Variants in PPARGC1A observed in about 807,000 individuals in gnomAD.
PPARGC1A encodes the protein PPARG coactivator 1 alpha.
Under a neutral mutation model 88.7 loss-of-function variants are expected in PPARGC1A, and 25 were observed. The ratio of observed to expected loss-of-function variants is 0.28; its 90% CI spans 0.21 to 0.39. The LOEUF is 0.39. PPARGC1A is among the 10% of genes least tolerant of loss of function. The probability of loss-of-function intolerance (pLI) is 1.00; values close to 1 mark genes in which losing one functional copy is unlikely to be tolerated. For missense variants in PPARGC1A, 880 were observed against 968.7 expected (o/e 0.91, Z 1.22); for synonymous variants, 363 against 355.6 (o/e 1.02, Z -0.24).
At chr4:24,160,961 C>T in the PPARGC1A span, among the ~76,000 whole-genome samples, 1 of 152,142 alleles carries the variant, frequency 6.6e-6, no homozygotes, top group Non-Finnish European at 1.5e-5. Flanking sequence ...GATAAAATCA[C>T]TCTGTTTTAT....
the PPARGC1A span, among the ~76,000 whole-genome samples, chr4:23,910,937 C>T: frequency 2.6e-5 from 4 of 151,888 alleles, no homozygotes; most frequent in Non-Finnish European, 5.9e-5. Flanking sequence ...TTCATGCCCT[C>T]CCCTCCCCTC....
At chr4:23,849,320 G>A (rs1728863527) in intron 2 of PPARGC1A, among the ~76,000 whole-genome samples, 1 of 152,186 alleles carries the variant, frequency 6.6e-6, no homozygotes, top group South Asian at 2.1e-4. Context: ...CATAACTTAA[G>A]AAGGAACGCT....
Position 23,811,889 on chromosome 4 carries a change from C to CTTT in PPARGC1A, c.2019+855_2019+857dup, listed in dbSNP as rs71196134. Among the ~76,000 whole-genome samples, 17 of 59,086 alleles carry CTTT rather than the reference C, an allele frequency of 2.9e-4. 1 individual carries two copies. The highest frequency in any genetic ancestry group is 8.8e-4 in the African/African-American group (13 of 14,852). The allele number at this position is 59,086 out of a possible 152,430, so 38.8% of individuals were successfully genotyped here. The stretch of plus-strand genomic sequence containing the variant: ...GACGACCATCACGCAGAAGAAATGA[C>CTTT]TTTTTTTTTTTTTTTTTTTTTTTTT... On this transcript the variant is annotated intron_variant, in intron 10 of 12. Coordinates refer to ENST00000264867, the MANE Select transcript of PPARGC1A (RefSeq NM_013261.5).
At chr4:24,304,190 C>A in the PPARGC1A span, among the ~76,000 whole-genome samples, 1 of 152,146 alleles carries the variant, frequency 6.6e-6, no homozygotes. Flanking sequence ...TTATAGATGA[C>A]CTGCTTGTGT....
At chr4:24,311,563 C>G in the PPARGC1A span, among the ~76,000 whole-genome samples, 1 of 151,602 alleles carries the variant, frequency 6.6e-6, no homozygotes. Flanking sequence ...TGGCTTGGAC[C>G]CGGGAGACAG....
chr4:24,287,485 A>G, the PPARGC1A span, among the ~76,000 whole-genome samples: 2 of 152,154 alleles, frequency 1.3e-5, no homozygotes, highest in African/African-American at 2.4e-5. Flanking sequence ...CCACTTATCT[A>G]TGAATAAGGT....
chr4:23,802,013 C>T, intron 11 of PPARGC1A, 132 bp from the exon 12 acceptor site: 1 of 1,306,758 alleles, frequency 7.7e-7, no homozygotes, highest in Non-Finnish European at 1.1e-6. Flanking sequence ...GTGTGATTGT[C>T]CTGTCAAGCA....
the PPARGC1A span, among the ~76,000 whole-genome samples, chr4:23,991,364 C>A: frequency 6.6e-6 from 1 of 151,986 alleles, no homozygotes; most frequent in South Asian, 2.1e-4. Context: ...ATTGATTAAT[C>A]TAGAATTAAC....
At chr4:24,295,162 T>C in the PPARGC1A span, among the ~76,000 whole-genome samples, 1 of 152,228 alleles carries the variant, frequency 6.6e-6, no homozygotes, top group African/African-American at 2.4e-5. Context: ...AATCTCTTCA[T>C]TCCTTATCAC....
the PPARGC1A span, among the ~76,000 whole-genome samples, chr4:24,233,326 T>G: frequency 1.3e-5 from 2 of 152,340 alleles, no homozygotes; most frequent in Non-Finnish European, 2.9e-5. Context: ...CCATTCAAAA[T>G]GCACATTGTA....
chr4:24,378,481 TA>T, the PPARGC1A span, among the ~76,000 whole-genome samples: 5,237 of 149,430 alleles, frequency 0.035, 332 homozygotes, highest in African/African-American at 0.12. Flanking sequence ...TAACCATGGT[TA>T]AAAAAAAAAC....
At chr4:24,216,775 A>C in the PPARGC1A span, among the ~76,000 whole-genome samples, 1 of 152,172 alleles carries the variant, frequency 6.6e-6, no homozygotes, top group Non-Finnish European at 1.5e-5. Context: ...GAGGGAATGA[A>C]GTTAGTAAGC....
At chr4:24,370,725 C>G in the PPARGC1A span, among the ~76,000 whole-genome samples, 5 of 142,212 alleles carry the variant, frequency 3.5e-5, no homozygotes, top group Non-Finnish European at 7.6e-5. Flanking sequence ...TTCTCATCTT[C>G]CTCTCAGTTT....
chr4:24,197,978 C>A, the PPARGC1A span, among the ~76,000 whole-genome samples: 1 of 152,158 alleles, frequency 6.6e-6, no homozygotes, highest in Non-Finnish European at 1.5e-5. Context: ...CTCTTTGCAG[C>A]CTGAAACATC....
At chr4:24,375,008 C>A in the PPARGC1A span, among the ~76,000 whole-genome samples, 153 of 136,438 alleles carry the variant, frequency 1.1e-3, no homozygotes, top group Admixed American at 2.6e-3. Flanking sequence ...ACCAACCCCC[C>A]ACCCTAAAAA....
chr4:24,100,057 C>CA, the PPARGC1A span, among the ~76,000 whole-genome samples: 1,013 of 151,958 alleles, frequency 6.7e-3, 12 homozygotes, highest in African/African-American at 0.023. Context: ...ACCAACATGG[C>CA]ACATGTGTAC....
chr4:24,175,319 C>G, the PPARGC1A span, among the ~76,000 whole-genome samples: 1 of 150,842 alleles, frequency 6.6e-6, no homozygotes, highest in Non-Finnish European at 1.5e-5. Context: ...TGATAACAAC[C>G]ATTGAGCTTA....
intron 2 of PPARGC1A, chr4:23,875,794 T>A (rs1714578417): frequency 6.6e-6 from 1 of 152,226 alleles, no homozygotes. Context: ...ATCATTTCAA[T>A]GAACTATTTA....
chr4:24,319,541 A>C, the PPARGC1A span, among the ~76,000 whole-genome samples: 2 of 152,162 alleles, frequency 1.3e-5, 1 homozygote, highest in Non-Finnish European at 2.9e-5. Context: ...CCCAGGAAAC[A>C]CTCCATGAAA....
Sources: gnomAD v4.1 joint callset for allele counts (sites outside exome capture counted in the v4.1 genomes callset) on GRCh38, gnomAD v4.1.1 for gene constraint, MANE v1.5 for transcripts, NCBI Gene and HGNC (gene_info 2026-07-23, HGNC 2026-07-21) for gene names.